ACOXL: variants seen among roughly 807,000 people sequenced by gnomAD.
The protein encoded by ACOXL is acyl-coenzyme A oxidase-like protein.
ACOXL carries 70 observed loss-of-function variants against 71.9 expected under a neutral mutation model. The ratio of observed to expected loss-of-function variants is 0.97; its 90% CI spans 0.80 to 1.19. The LOEUF (loss-of-function observed/expected upper bound fraction) is 1.19, where lower values mean the gene tolerates loss of function less well. Among genes scored for constraint, ACOXL ranks in the 50% most tolerant of loss-of-function variants. The pLI is 0.00. For missense variants in ACOXL, 703 were observed against 736.3 expected (o/e 0.95, Z 0.52); for synonymous variants, 253 against 281.6 (o/e 0.90, Z 1.02).
At chr2:110,955,243 T>C (rs1456444354) in intron 12 of ACOXL, among the ~76,000 whole-genome samples, 1 of 152,182 alleles carries the variant, frequency 6.6e-6, no homozygotes, top group Non-Finnish European at 1.5e-5. Context: ...CAATATCTGC[T>C]GCCTCTGCAG....
At chr2:110,891,476 C>T (rs1182168825) in intron 10 of ACOXL, among the ~76,000 whole-genome samples, 1 of 151,282 alleles carries the variant, frequency 6.6e-6, no homozygotes, top group African/African-American at 2.4e-5. Flanking sequence ...TCTAGTATGA[C>T]AATACCTGCC....
chr2:111,004,333 T>C (rs975861660), intron 14 of ACOXL, among the ~76,000 whole-genome samples: 22 of 152,118 alleles, frequency 1.4e-4, no homozygotes, highest in African/African-American at 5.3e-4. Flanking sequence ...TCTAGGCACA[T>C]GGGAAGCCCA....
At chr2:110,756,518 T>G (rs1257093065) in intron 1 of ACOXL, among the ~76,000 whole-genome samples, 1 of 152,236 alleles carries the variant, frequency 6.6e-6, no homozygotes, top group Non-Finnish European at 1.5e-5. Flanking sequence ...CCTCATCTAC[T>G]GATTTCTTGG....
intron 14 of ACOXL, among the ~76,000 whole-genome samples, chr2:111,011,861 G>C (rs547290497): frequency 1.5e-5 from 2 of 137,774 alleles, no homozygotes; most frequent in South Asian, 4.7e-4. Flanking sequence ...TCCAGCCTGG[G>C]CAGCAGAGTG....
At chr2:110,799,926 C>T (rs1252443450) in intron 7 of ACOXL, among the ~76,000 whole-genome samples, 2 of 151,994 alleles carry the variant, frequency 1.3e-5, no homozygotes, top group Non-Finnish European at 2.9e-5. Flanking sequence ...TCAGCGCCCT[C>T]TAAAATGCAC....
intron 1 of ACOXL, among the ~76,000 whole-genome samples, chr2:110,753,906 C>T (rs368680274): frequency 6.6e-6 from 1 of 152,066 alleles, no homozygotes; most frequent in East Asian, 1.9e-4. Flanking sequence ...AAAAATTTAG[C>T]CATTTGAGTA....
intron 1 of ACOXL, among the ~76,000 whole-genome samples, chr2:110,755,221 T>G (rs1679509184): frequency 6.6e-6 from 1 of 152,144 alleles, no homozygotes; most frequent in African/African-American, 2.4e-5. Context: ...CCCTCACATG[T>G]GAGGCCTGAC....
intron 16 of ACOXL, among the ~76,000 whole-genome samples, chr2:111,060,428 T>TG (rs945224157): frequency 1.3e-5 from 2 of 152,118 alleles, no homozygotes; most frequent in African/African-American, 4.8e-5. Flanking sequence ...AGGGGCCTAG[T>TG]GGGAGCCAGC....
At chr2:110,990,252 A>G (rs1216927787) in intron 13 of ACOXL, among the ~76,000 whole-genome samples, 1 of 152,132 alleles carries the variant, frequency 6.6e-6, no homozygotes, top group Non-Finnish European at 1.5e-5. Flanking sequence ...TTTTTTCCAT[A>G]CATACTATAT....
chr2:110,963,238 TG>T (rs895317690), intron 12 of ACOXL, among the ~76,000 whole-genome samples: 5 of 151,554 alleles, frequency 3.3e-5, no homozygotes, highest in Admixed American at 2.6e-4. Flanking sequence ...TTGCTGGGGG[TG>T]GGGGAGGCAT....
At chr2:110,852,801 C>T (rs1692778938) in intron 10 of ACOXL, among the ~76,000 whole-genome samples, 1 of 152,226 alleles carries the variant, frequency 6.6e-6, no homozygotes, top group East Asian at 1.9e-4. Flanking sequence ...GTTGGTAGAG[C>T]CTCAAGTGCC....
intron 11 of ACOXL, among the ~76,000 whole-genome samples, chr2:110,919,346 A>G (rs1003873458): frequency 1.4e-5 from 2 of 144,272 alleles, no homozygotes; most frequent in African/African-American, 2.5e-5. Context: ...CATAAGTGGG[A>G]GCTGAACAAT....
At chr2:111,010,499 C>CT (rs2149666442) in intron 14 of ACOXL, among the ~76,000 whole-genome samples, 1 of 151,766 alleles carries the variant, frequency 6.6e-6, no homozygotes, top group African/African-American at 2.4e-5. Context: ...TAATTGGAGT[C>CT]TAAGAAGGAG....
chr2:110,745,095 A>T (rs952363790), intron 1 of ACOXL, among the ~76,000 whole-genome samples: 2 of 152,204 alleles, frequency 1.3e-5, no homozygotes, highest in African/African-American at 4.8e-5. Flanking sequence ...TGTTATTAGC[A>T]TAAGTAGTTG....
chr2:111,078,618 G>A (rs1023464490), intron 16 of ACOXL, among the ~76,000 whole-genome samples: 12 of 152,114 alleles, frequency 7.9e-5, no homozygotes, highest in Admixed American at 2.0e-4. Flanking sequence ...TTTCAAGACG[G>A]TTTGTGATTG....
intron 10 of ACOXL, among the ~76,000 whole-genome samples, chr2:110,845,918 C>T (rs909880669): frequency 6.6e-6 from 1 of 152,092 alleles, no homozygotes; most frequent in Non-Finnish European, 1.5e-5. Context: ...TCTTTGACAC[C>T]CTGCTTTCAA....
chr2:110,908,417 G>T (rs2059536340), intron 10 of ACOXL, among the ~76,000 whole-genome samples: 1 of 152,162 alleles, frequency 6.6e-6, no homozygotes. Flanking sequence ...ATGTTCTAGG[G>T]TATTGCTCCT....
intron 10 of ACOXL, among the ~76,000 whole-genome samples, chr2:110,890,409 G>A: frequency 6.6e-6 from 1 of 152,102 alleles, no homozygotes; most frequent in East Asian, 1.9e-4. Flanking sequence ...ATGAGGATTT[G>A]CTGCTATGCT....
chr2:110,978,517 C>G (rs2062559330), intron 12 of ACOXL, among the ~76,000 whole-genome samples: 1 of 152,130 alleles, frequency 6.6e-6, no homozygotes, highest in African/African-American at 2.4e-5. Flanking sequence ...GTATAACTCC[C>G]CCAAAGGAAC....
Sources: gnomAD v4.1 joint callset for allele counts (sites outside exome capture counted in the v4.1 genomes callset) on GRCh38, gnomAD v4.1.1 for gene constraint, MANE v1.5 for transcripts, NCBI Gene and HGNC (gene_info 2026-07-23, HGNC 2026-07-21) for gene names.